Variants in STXBP5L observed in about 807,000 individuals in gnomAD.
The protein encoded by STXBP5L is syntaxin binding protein 5L.
In STXBP5L, 65 loss-of-function variants were observed where a neutral mutation model predicts 144.5. The observed-to-expected ratio is 0.45, with a 90% CI of 0.37 to 0.55. The LOEUF is 0.55. Ranked by LOEUF, STXBP5L falls within the 20% of genes least tolerant of loss-of-function variation. The pLI is 0.00. For synonymous variants in STXBP5L, 505 were observed against 469.6 expected, an observed-to-expected ratio of 1.08 and a Z score of -0.97; for missense variants, 1,298 against 1,405.5, an observed-to-expected ratio of 0.92 and a Z score of 1.22.
At chr3:121,266,077 G>A (rs1452776647) in intron 18 of STXBP5L, among the ~76,000 whole-genome samples, 5 of 152,126 alleles carry the variant, frequency 3.3e-5, no homozygotes, top group Non-Finnish European at 7.4e-5. Context: ...CATTTCTTCT[G>A]AAACTATTCA....
intron 21 of STXBP5L, among the ~76,000 whole-genome samples, chr3:121,380,949 CAG>C (rs2046308933): frequency 6.6e-6 from 1 of 152,206 alleles, no homozygotes; most frequent in African/African-American, 2.4e-5. Context: ...TAAGTGATGT[CAG>C]AAATTCTTGT....
rs886093977 is a variant in STXBP5L, at chr3:121,324,890, C to T, written c.2176+6350C>T. Among the ~76,000 whole-genome samples the T allele has an allele frequency of 3.3e-5, 5 of 151,910 alleles. No individual in the cohort carries two copies. In the South Asian group the frequency reaches 1.0e-3, roughly 31 times the overall value. ...CAGGTCTCTAAGAAAGTAAGGGGGT[C>T]GCGGGTACGGTCAATAGAGAATTCA... On this transcript the variant is annotated intron_variant, in intron 20 of 26. Coordinates refer to ENST00000471454, the MANE Select transcript of STXBP5L (RefSeq NM_001308330.2).
chr3:121,144,896 G>A (rs2045655804), intron 7 of STXBP5L, among the ~76,000 whole-genome samples: 1 of 151,926 alleles, frequency 6.6e-6, no homozygotes, highest in South Asian at 2.1e-4. Context: ...GAAGTGAAAT[G>A]ACCAGTCATA....
intron 3 of STXBP5L, among the ~76,000 whole-genome samples, chr3:120,976,506 C>A (rs1466323552): frequency 6.6e-6 from 1 of 152,062 alleles, no homozygotes; most frequent in Non-Finnish European, 1.5e-5. Context: ...CTCCTGGGTT[C>A]ATTAATTTTT....
intron 3 of STXBP5L, among the ~76,000 whole-genome samples, chr3:121,000,442 G>A (rs187249921): frequency 3.3e-5 from 5 of 152,252 alleles, no homozygotes; most frequent in Admixed American, 6.5e-5. Flanking sequence ...CTTGTGGTGA[G>A]TTTTTCATGT....
At chr3:121,247,631 T>C in intron 14 of STXBP5L, among the ~76,000 whole-genome samples, 1 of 152,234 alleles carries the variant, frequency 6.6e-6, no homozygotes, top group East Asian at 1.9e-4. Flanking sequence ...TCCATCCATG[T>C]TGCTGTAAAG....
intron 5 of STXBP5L, among the ~76,000 whole-genome samples, chr3:121,069,393 A>G (rs1210798887): frequency 6.6e-6 from 1 of 152,042 alleles, no homozygotes; most frequent in South Asian, 2.1e-4. Flanking sequence ...CTATTCACCC[A>G]TTGAAGGATA....
In STXBP5L at chr3:121,083,978, T is replaced by TA. The variant is rs199805677; in HGVS notation, c.471-30940dup. Among the ~76,000 whole-genome samples, 22 of 152,104 alleles carry TA rather than the reference T, an allele frequency of 1.4e-4. No individual in the cohort carries two copies. In the East Asian group the frequency reaches 4.1e-3, roughly 28 times the overall value. On this transcript the variant is annotated intron_variant, in intron 5 of 26. Coordinates refer to ENST00000471454, the MANE Select transcript of STXBP5L (RefSeq NM_001308330.2). ...TGCACTGTTTTTTCTTTTTTTCTCC[T>TA]AAAAAAATCTCCTACTAGAGATTTT...
intron 2 of STXBP5L, among the ~76,000 whole-genome samples, chr3:120,925,765 T>C (rs1234130360): frequency 2.0e-5 from 3 of 152,242 alleles, no homozygotes; most frequent in African/African-American, 7.2e-5. Flanking sequence ...TGATTTTCTC[T>C]AGTAATATGT....
intron 3 of STXBP5L, among the ~76,000 whole-genome samples, chr3:120,990,309 G>A (rs1309799201): frequency 1.3e-5 from 2 of 152,028 alleles, no homozygotes; most frequent in African/African-American, 2.4e-5. Flanking sequence ...AATAAAAGAG[G>A]GTACAAACAA....
At chr3:120,985,609 G>C (rs1212440778) in intron 3 of STXBP5L, among the ~76,000 whole-genome samples, 1 of 151,518 alleles carries the variant, frequency 6.6e-6, no homozygotes, top group East Asian at 1.9e-4. Flanking sequence ...TATTGTTGTA[G>C]GTCTATTCAG....
Position 121,046,296 on chromosome 3 carries a change from T to C in STXBP5L, c.470+761T>C, listed in dbSNP as rs561987763. ...TTTGTTGAGAATTTTTACATCTGTG[T>C]TCATCAAGGATATTGGCCTGAAGAT... On this transcript the variant is annotated intron_variant, in intron 5 of 26. Transcript: ENST00000471454. 1.2e-4 allele frequency among the ~76,000 whole-genome samples: 18 copies of C among 152,334 alleles called. 1 individual carries two copies. Among genetic ancestry groups the C allele is most frequent in the South Asian group, 1.0e-3 (5 of 4,830 alleles).
intron 5 of STXBP5L, among the ~76,000 whole-genome samples, chr3:121,091,635 T>C (rs1307668231): frequency 6.6e-6 from 1 of 152,200 alleles, no homozygotes; most frequent in Non-Finnish European, 1.5e-5. Flanking sequence ...TGTTTTTTTC[T>C]TGTAAATTTG....
At chr3:121,078,931 C>G (rs920575694) in intron 5 of STXBP5L, among the ~76,000 whole-genome samples, 12 of 152,238 alleles carry the variant, frequency 7.9e-5, no homozygotes, top group Non-Finnish European at 1.5e-4. Flanking sequence ...CCACTTATGC[C>G]TCTCCCTCCA....
chr3:121,326,461 G>T (rs2044151609), intron 20 of STXBP5L, among the ~76,000 whole-genome samples: 1 of 152,036 alleles, frequency 6.6e-6, no homozygotes, highest in Non-Finnish European at 1.5e-5. Context: ...ATTCCAACCA[G>T]TCAGCTAATT....
chr3:121,342,511 C>A (rs1337110509), intron 20 of STXBP5L, among the ~76,000 whole-genome samples: 2 of 134,634 alleles, frequency 1.5e-5, no homozygotes, highest in Non-Finnish European at 3.1e-5. Flanking sequence ...CCCCACCCCA[C>A]AACGGTCCCC....
chr3:121,043,778 T>A (rs528425736), intron 4 of STXBP5L, among the ~76,000 whole-genome samples: 1 of 152,208 alleles, frequency 6.6e-6, no homozygotes, highest in Non-Finnish European at 1.5e-5. Context: ...TACTGTAAGA[T>A]ATTATTGAAT....
chr3:121,194,659 A>T (rs192112484), intron 9 of STXBP5L, among the ~76,000 whole-genome samples: 2 of 152,264 alleles, frequency 1.3e-5, no homozygotes, highest in Admixed American at 1.3e-4. Flanking sequence ...ATTCTTCCTC[A>T]AATGTTGGGT....
At chr3:120,921,993 C>T (rs1005472755) in intron 2 of STXBP5L, among the ~76,000 whole-genome samples, 1 of 151,406 alleles carries the variant, frequency 6.6e-6, no homozygotes, top group South Asian at 2.1e-4. Context: ...TTTTGTGTTT[C>T]TGTGAAGAAA....
Sources: allele counts gnomAD v4.1 joint callset (sites outside exome capture counted in the v4.1 genomes callset), GRCh38; gene constraint gnomAD v4.1.1; transcripts MANE v1.5; gene names NCBI Gene and HGNC (gene_info 2026-07-23, HGNC 2026-07-21).